CAMK2B: variants seen among roughly 807,000 people sequenced by gnomAD.
The protein encoded by CAMK2B is calcium/calmodulin-dependent protein kinase type II subunit beta.
CAMK2B carries 27 observed loss-of-function variants against 93.7 expected under a neutral mutation model. That is an observed-to-expected ratio of 0.29 (90% CI 0.21 to 0.40). The LOEUF (loss-of-function observed/expected upper bound fraction) is 0.40, where lower values mean the gene tolerates loss of function less well. CAMK2B is among the 10% of genes least tolerant of loss of function. The pLI is 1.00. For synonymous variants in CAMK2B, 374 were observed against 358.8 expected, an observed-to-expected ratio of 1.04 and a Z score of -0.48; for missense variants, 568 against 895.8, an observed-to-expected ratio of 0.63 and a Z score of 4.67.
At chr7:44,243,161 C>T (rs74790674) in intron 8 of CAMK2B, 89 bp downstream of exon 8, 62,198 of 958,716 alleles carry the variant, frequency 0.065, 2,331 homozygotes, top group South Asian at 0.096. Flanking sequence ...GAGAGCAAGA[C>T]GTGCTGGCCA....
chr7:44,258,750 C>T lies in CAMK2B; in HGVS notation c.275+122G>A, dbSNP rs889543053. The T allele has an allele frequency of 6.1e-6, 5 of 820,404 alleles. No homozygotes were observed. In the East Asian group the frequency reaches 1.1e-4, roughly 18 times the overall value. 50.8% of individuals were successfully genotyped at this position (820,404 alleles called of 1,614,324 possible). A position where few individuals can be genotyped will look rare whatever the true frequency, so the allele number is the denominator to read the frequency against. On this transcript the variant is annotated intron_variant, in intron 4 of 23. Transcript: ENST00000395749. ...AGCAAGGGGACCAGCAGCAGAAGCA[C>T]ACTCAAGGGAGTGGCCAGCCCACGG...
chr7:44,266,220 C>G (rs996673554), intron 2 of CAMK2B, among the ~76,000 whole-genome samples: 1 of 152,060 alleles, frequency 6.6e-6, no homozygotes, highest in Admixed American at 6.6e-5. Context: ...GACTGAGAAG[C>G]CACAAGAAGG....
At chr7:44,289,776 C>T (rs911293894) in intron 1 of CAMK2B, among the ~76,000 whole-genome samples, 1 of 152,214 alleles carries the variant, frequency 6.6e-6, no homozygotes, top group African/African-American at 2.4e-5. Context: ...GCATGTGATC[C>T]CCATGACAGG....
chr7:44,288,994 A>G (rs562477800), intron 1 of CAMK2B, among the ~76,000 whole-genome samples: 1 of 152,202 alleles, frequency 6.6e-6, no homozygotes, highest in African/African-American at 2.4e-5. Context: ...AGGAAGCGTC[A>G]TTGTCTGCAG....
At chr7:44,264,856 G>A (rs1288204898) in intron 2 of CAMK2B, among the ~76,000 whole-genome samples, 1 of 152,158 alleles carries the variant, frequency 6.6e-6, no homozygotes, top group African/African-American at 2.4e-5. Context: ...GAATACACAT[G>A]GTGTGGGCTC....
intron 4 of CAMK2B, 91 bp from the exon 5 acceptor site, chr7:44,254,698 C>T: frequency 1.5e-5 from 12 of 817,960 alleles, no homozygotes; most frequent in Admixed American, 3.5e-5. Context: ...ACCATCACCA[C>T]TATCATCACC....
At chr7:44,295,681 G>C (rs914357915) in intron 1 of CAMK2B, among the ~76,000 whole-genome samples, 1 of 152,208 alleles carries the variant, frequency 6.6e-6, no homozygotes, top group Non-Finnish European at 1.5e-5. Flanking sequence ...GCTTCTGGCA[G>C]GGGGAGGAGA....
chr7:44,236,596 C>T (rs1186296317), intron 13 of CAMK2B, among the ~76,000 whole-genome samples: 8 of 152,200 alleles, frequency 5.3e-5, no homozygotes, highest in Non-Finnish European at 1.2e-4. Flanking sequence ...GAAAACCCTC[C>T]CCCTCGCTGC....
chr7:44,233,134 G>A (rs1420471500), intron 15 of CAMK2B, among the ~76,000 whole-genome samples: 3 of 152,124 alleles, frequency 2.0e-5, no homozygotes, highest in Admixed American at 6.5e-5. Context: ...GAGATGGACC[G>A]TGTGGGGCCC....
chr7:44,272,379 G>A (rs1045186661), intron 2 of CAMK2B, among the ~76,000 whole-genome samples: 5 of 152,174 alleles, frequency 3.3e-5, no homozygotes, highest in African/African-American at 1.2e-4. Flanking sequence ...ACCTCTTGGG[G>A]TCCCAAGTGA....
chr7:44,255,611 T>C (rs1322737115), intron 4 of CAMK2B, among the ~76,000 whole-genome samples: 1 of 152,208 alleles, frequency 6.6e-6, no homozygotes, highest in African/African-American at 2.4e-5. Flanking sequence ...TCCACTGCAC[T>C]GCCCAGGTGC....
At chr7:44,250,064 C>CA (rs1223576429) in intron 5 of CAMK2B, among the ~76,000 whole-genome samples, 1 of 152,240 alleles carries the variant, frequency 6.6e-6, no homozygotes, top group African/African-American at 2.4e-5. Flanking sequence ...CCAGGCCCTG[C>CA]AAACGCATGC....
At chr7:44,310,898 C>T (rs181712773) in intron 1 of CAMK2B, among the ~76,000 whole-genome samples, 36 of 152,282 alleles carry the variant, frequency 2.4e-4, no homozygotes, top group African/African-American at 8.2e-4. Flanking sequence ...AATACACGTA[C>T]TGCCACTGAA....
intron 5 of CAMK2B, among the ~76,000 whole-genome samples, chr7:44,252,264 T>A (rs2096787509): frequency 6.6e-6 from 1 of 152,046 alleles, no homozygotes; most frequent in East Asian, 1.9e-4. Context: ...TGCAGCATTC[T>A]GGGCAGGCTG....
intron 1 of CAMK2B, among the ~76,000 whole-genome samples, chr7:44,307,974 C>T (rs1295495758): frequency 6.6e-6 from 1 of 152,030 alleles, no homozygotes; most frequent in African/African-American, 2.4e-5. Flanking sequence ...AAGTGATCCT[C>T]CCACCTGGGC....
At chr7:44,229,004 G>T (rs773219593) in intron 18 of CAMK2B, 80 bp from the exon 19 acceptor site, 2 of 1,375,032 alleles carry the variant, frequency 1.5e-6, no homozygotes, top group Admixed American at 3.5e-5. Flanking sequence ...GCCAGTGGGA[G>T]GGGTCCCGTG....
chr7:44,325,386 G>A lies in CAMK2B; in HGVS notation c.36C>T (p.Asp12=). ...ATTVTCTRFT[D]EYQLYEDIGK... is the part of the protein sequence containing the mutation. ...CAATATCCTCGTAGAGCTGGTACTC[G>A]TCGGTGAAGCGGGTGCAGGTCACCG... is the stretch of plus-strand genomic sequence containing the variant. The change falls in exon 1 of 24, where the codon GAC becomes GAT. Residue 12 remains aspartate, a synonymous_variant. Coordinates refer to ENST00000395749, the MANE Select transcript of CAMK2B (RefSeq NM_001220.5). 9 of 1,229,972 alleles carry A rather than the reference G, an allele frequency of 7.3e-6. No individual in the cohort carries two copies. The highest frequency in any genetic ancestry group is 8.4e-6 in the Non-Finnish European group (8 of 957,514). The allele number at this position is 1,229,972 out of a possible 1,614,324, so 76.2% of individuals were successfully genotyped here.
In CAMK2B at chr7:44,228,444, T is replaced by C. The variant is rs548573755; in HGVS notation, c.1468+352A>G. Reference sequence around the variant, plus strand: ...TGGGTGGGTGTGAAGTCTGTGGGGCTGGGACAGTGATCAGCAGAGAGGGCC... The same window carrying C: ...TGGGTGGGTGTGAAGTCTGTGGGGCCGGGACAGTGATCAGCAGAGAGGGCC... On this transcript the variant is annotated intron_variant, in intron 19 of 23. Transcript: ENST00000395749. Among the ~76,000 whole-genome samples, 5 of 152,016 alleles carry C rather than the reference T, an allele frequency of 3.3e-5. No individual in the cohort carries two copies. The East Asian group carries it at 9.7e-4, about 30-fold the overall frequency.
At chr7:44,294,638 A>G (rs941038810) in intron 1 of CAMK2B, among the ~76,000 whole-genome samples, 2 of 152,152 alleles carry the variant, frequency 1.3e-5, no homozygotes, top group African/African-American at 4.8e-5. Flanking sequence ...TGATTTGTAC[A>G]AGTCCCATCT....
Sources: gnomAD v4.1 joint callset for allele counts (sites outside exome capture counted in the v4.1 genomes callset) on GRCh38, gnomAD v4.1.1 for gene constraint, MANE v1.5 for transcripts, NCBI Gene and HGNC (gene_info 2026-07-23, HGNC 2026-07-21) for gene names.